The following SELP variants were observed in gnomAD, a reference collection of about 807,000 sequenced individuals.
SELP encodes selectin P.
In SELP, 92 loss-of-function variants were observed where a neutral mutation model predicts 104.1. The observed-to-expected ratio is 0.88, with a 90% CI of 0.75 to 1.05. SELP has a LOEUF of 1.05. Ranked by LOEUF, SELP falls within the 50% of genes least tolerant of loss-of-function variation. The probability of loss-of-function intolerance (pLI) is 0.00; values close to 1 mark genes in which losing one functional copy is unlikely to be tolerated. For synonymous variants in SELP, 397 were observed against 364.5 expected (o/e 1.09, Z -1.01); for missense variants, 1,022 against 1,017.3 (o/e 1.00, Z -0.06).
intron 14 of SELP, 45 bp from the exon 15 acceptor site, chr1:169,591,501 AC>A (rs760268152): frequency 4.2e-6 from 6 of 1,437,616 alleles, no homozygotes; most frequent in South Asian, 1.3e-5. Flanking sequence ...AAAAAAAAAA[AC>A]AAGATGAAAG....
At chr1:169,604,227 C>T (rs1662066830) in intron 9 of SELP, among the ~76,000 whole-genome samples, 1 of 151,342 alleles carries the variant, frequency 6.6e-6, no homozygotes, top group African/African-American at 2.4e-5. Context: ...TTTCATGTGT[C>T]TTTTGGCTGC....
At position 169,613,635 on chromosome 1, in the gene SELP, G is replaced by C; in HGVS notation, c.540C>G (p.Asn180Lys). The change falls in exon 4 of 17, where the codon AAC becomes AAG. Residue 180 changes from asparagine (N) to lysine (K), a missense_variant. Transcript: ENST00000263686. ...KQGECLETIG[N>K]YTCSCYPGFY... The stretch of plus-strand genomic sequence containing the variant: ...ATCCAGGGTAACAGGAGCAGGTGTA[G>C]TTCCCGATGGTCTCGAGGCACTCTC... 1 of 1,614,048 alleles carries C rather than the reference G, an allele frequency of 6.2e-7. No homozygotes were observed. Among genetic ancestry groups the C allele is most frequent in the Non-Finnish European group, 8.5e-7 (1 of 1,179,912 alleles).
intron 1 of SELP, among the ~76,000 whole-genome samples, chr1:169,620,152 G>A (rs1557971996): frequency 1.3e-5 from 2 of 152,102 alleles, no homozygotes; most frequent in South Asian, 4.1e-4. Context: ...AGGTTGCAGT[G>A]AGCGGAGATC....
At chr1:169,620,596 C>T (rs911157997) in intron 1 of SELP, among the ~76,000 whole-genome samples, 1 of 152,190 alleles carries the variant, frequency 6.6e-6, no homozygotes, top group Non-Finnish European at 1.5e-5. Context: ...CTACCTAAAA[C>T]CTTTCCTGTA....
intron 1 of SELP, among the ~76,000 whole-genome samples, chr1:169,620,895 G>A (rs1181131454): frequency 4.7e-5 from 7 of 147,998 alleles, no homozygotes; most frequent in South Asian, 4.3e-4. Flanking sequence ...GTATGTATGC[G>A]TGTGTCATGC....
At chr1:169,599,760 A>C (rs948266082) in intron 10 of SELP, among the ~76,000 whole-genome samples, 1 of 152,146 alleles carries the variant, frequency 6.6e-6, no homozygotes, top group Admixed American at 6.5e-5. Context: ...TGAAGAAAAA[A>C]ATGGAGATGT....
chr1:169,602,777 A>G (rs1055380004), intron 10 of SELP, among the ~76,000 whole-genome samples: 10 of 152,012 alleles, frequency 6.6e-5, no homozygotes. Flanking sequence ...ATGCCCAGCT[A>G]TTTTTTGTAT....
chr1:169,605,884 T>C (rs1410800807), intron 9 of SELP, among the ~76,000 whole-genome samples: 1 of 152,146 alleles, frequency 6.6e-6, no homozygotes, highest in Non-Finnish European at 1.5e-5. Context: ...ACTAAGGAAT[T>C]GGATACATTG....
At chr1:169,603,307 C>CTCTGTGTG (rs879181764) in intron 9 of SELP, 96 bp from the exon 10 acceptor site, 988 of 605,388 alleles carry the variant, frequency 1.6e-3, no homozygotes, top group African/African-American at 3.1e-3. Flanking sequence ...CTCTCTCTCT[C>CTCTGTGTG]TGTGTGTGTG....
chr1:169,603,303 CTCTCTG>C (rs1354218700), intron 9 of SELP, 92 bp from the exon 10 acceptor site: 37 of 694,624 alleles, frequency 5.3e-5, no homozygotes, highest in Non-Finnish European at 8.6e-6. Flanking sequence ...CTCCCTCTCT[CTCTCTG>C]TGTGTGTGTG....
At chr1:169,594,959 T>C (rs868212587) in intron 12 of SELP, 82 bp from the exon 13 acceptor site, 2 of 1,247,960 alleles carry the variant, frequency 1.6e-6, no homozygotes, top group Middle Eastern at 2.3e-4. Context: ...AACCTAACAT[T>C]GCCAATAAAT....
Position 169,612,221 on chromosome 1 carries a change from A to G in SELP, c.957T>C (p.Cys319=). Residue 319 remains cysteine (C), a synonymous_variant, in exon 6 of 17, where the codon TGT becomes TGC. Coordinates refer to ENST00000263686, the MANE Select transcript of SELP (RefSeq NM_003005.4). ...TCCCAACTACCTGAAACTCACCTTT[A>G]CACACTGGGGCTGGGGCTGTCCATA... is the stretch of plus-strand genomic sequence containing the variant. The part of the protein sequence containing the change: ...SGVWTAPAPV[C]KAVQCQHLEA... 6.2e-7 allele frequency: 1 copy of G among 1,613,772 alleles called. No homozygotes were observed. Among genetic ancestry groups the G allele is most frequent in the Non-Finnish European group, 8.5e-7 (1 of 1,179,898 alleles).
chr1:169,610,215 T>C (rs1210713891), intron 7 of SELP, among the ~76,000 whole-genome samples: 2 of 151,920 alleles, frequency 1.3e-5, no homozygotes, highest in African/African-American at 4.8e-5. Context: ...TAGCTTATTG[T>C]TGACACTGTT....
Position 169,624,756 on chromosome 1 carries a change from A to G in SELP, c.3+5316T>C, listed in dbSNP as rs1663294598. 2.0e-5 allele frequency among the ~76,000 whole-genome samples: 3 copies of G among 152,120 alleles called. No homozygotes were observed. In the South Asian group the frequency reaches 6.2e-4, roughly 31 times the overall value. Reference sequence around the variant, plus strand: ...CTTTCTCAAAAAACAAAACAAACAAACAAGCAAAAAAACTAATAATGATTG... The same window carrying G: ...CTTTCTCAAAAAACAAAACAAACAAGCAAGCAAAAAAACTAATAATGATTG... On this transcript the variant is annotated intron_variant, in intron 1 of 16. Coordinates refer to ENST00000263686, the MANE Select transcript of SELP (RefSeq NM_003005.4).
intron 1 of SELP, among the ~76,000 whole-genome samples, chr1:169,628,203 G>A (rs1023814134): frequency 1.3e-5 from 2 of 152,136 alleles, no homozygotes; most frequent in Non-Finnish European, 2.9e-5. Context: ...GCCATAGCCC[G>A]CTAAAACTTT....
chr1:169,609,559 A>G lies in SELP; in HGVS notation c.1278T>C (p.Asp426=), dbSNP rs767721547. The G allele has an allele frequency of 3.1e-6, 5 of 1,613,926 alleles. No homozygotes were observed. Among genetic ancestry groups the G allele is most frequent in the African/African-American group, 1.3e-5 (1 of 74,876 alleles). ...GTCCCAAGTTATCACACCGAACTATATCGGCTCCTCTCAGCATGAAACCTT... is the reference window on the plus strand; with the variant it reads ...GTCCCAAGTTATCACACCGAACTATGTCGGCTCCTCTCAGCATGAAACCTT... The part of the protein sequence containing the change: ...CAEGFMLRGA[D]IVRCDNLGQW... Residue 426 remains aspartate (D), a synonymous_variant, in exon 8 of 17, where the codon GAT becomes GAC. Transcript: ENST00000263686.
intron 9 of SELP, among the ~76,000 whole-genome samples, chr1:169,606,607 CT>C (rs1662212238): frequency 6.6e-6 from 1 of 151,808 alleles, no homozygotes; most frequent in East Asian, 1.9e-4. Context: ...TTTTTCCCAC[CT>C]GGTCTTCTTT....
At position 169,612,991 on chromosome 1, in the gene SELP, C is replaced by G; in HGVS notation, c.713G>C (p.Gly238Ala). The G allele has an allele frequency of 1.2e-6, 2 of 1,613,726 alleles. No homozygotes were observed. Among genetic ancestry groups the G allele is most frequent in the South Asian group, 1.1e-5 (1 of 91,046 alleles). The change falls in exon 5 of 17, where the codon GGG becomes GCG. Residue 238 changes from glycine to alanine, a missense_variant. Gly to Ala is a moderately conservative substitution (Grantham distance 60). Coordinates refer to ENST00000263686, the MANE Select transcript of SELP (RefSeq NM_003005.4). The stretch of plus-strand genomic sequence containing the variant: ...AGCCAAGCATTCCAGCTTGCTGGGC[C>G]CATTTACTTGGTACCCGTCAGTGCA... ...FHCTDGYQVN[G>A]PSKLECLASG...
In SELP at chr1:169,606,039, G is replaced by A. The variant is rs117570124; in HGVS notation, c.1519+910C>T. ...CTTGTTAAATATCAAGTACAAGGCC[G>A]GGAGCAGTGGCTCACACCTGTAATA... is the stretch of plus-strand genomic sequence containing the variant. On this transcript the variant is annotated intron_variant, in intron 9 of 16. Coordinates refer to ENST00000263686, the MANE Select transcript of SELP (RefSeq NM_003005.4). Among the ~76,000 whole-genome samples, 339 of 152,278 alleles carry A rather than the reference G, an allele frequency of 2.2e-3. 14 individuals are homozygous for A. In the East Asian group the frequency reaches 0.062, roughly 28 times the overall value.
Sources: gnomAD v4.1 joint callset for allele counts (sites outside exome capture counted in the v4.1 genomes callset) on GRCh38, gnomAD v4.1.1 for gene constraint, MANE v1.5 for transcripts, NCBI Gene and HGNC (gene_info 2026-07-23, HGNC 2026-07-21) for gene names.